The following THSD7B variants were observed in gnomAD, a reference collection of about 807,000 sequenced individuals.
THSD7B encodes the protein thrombospondin type-1 domain-containing protein 7B.
In THSD7B, 138 loss-of-function variants were observed where a neutral mutation model predicts 213.6. The ratio of observed to expected loss-of-function variants is 0.65; its 90% CI spans 0.56 to 0.74. The LOEUF (loss-of-function observed/expected upper bound fraction) is 0.74. THSD7B is among the 30% of genes least tolerant of loss of function. The pLI, the probability that THSD7B is intolerant of heterozygous loss-of-function variation, is 0.00. For synonymous variants in THSD7B, 742 were observed against 687.0 expected (o/e 1.08, Z -1.25); for missense variants, 1,931 against 1,991.5 (o/e 0.97, Z 0.58).
At chr2:137,402,849 A>G (rs1558785189) in intron 12 of THSD7B, among the ~76,000 whole-genome samples, 3 of 151,612 alleles carry the variant, frequency 2.0e-5, no homozygotes, top group Admixed American at 1.3e-4. Context: ...TGAATTTCAC[A>G]TAGCAATGCT....
At chr2:136,894,488 T>G (rs1683918470) in intron 2 of THSD7B, among the ~76,000 whole-genome samples, 1 of 152,164 alleles carries the variant, frequency 6.6e-6, no homozygotes, top group Admixed American at 6.5e-5. Context: ...CTCTACCTTC[T>G]CATCCAAAAA....
chr2:137,435,897 T>A (rs549549739), intron 14 of THSD7B, among the ~76,000 whole-genome samples: 1 of 152,268 alleles, frequency 6.6e-6, no homozygotes, highest in Middle Eastern at 3.4e-3. Flanking sequence ...AGCCTAACTT[T>A]CCAGTTCCTT....
chr2:137,462,070 A>T (rs1174300869), intron 15 of THSD7B, among the ~76,000 whole-genome samples: 1 of 152,128 alleles, frequency 6.6e-6, no homozygotes, highest in Non-Finnish European at 1.5e-5. Flanking sequence ...ATTCAATGTT[A>T]AAAGAAAAAT....
chr2:136,815,814 G>A (rs1304689165), intron 1 of THSD7B, among the ~76,000 whole-genome samples: 2 of 152,146 alleles, frequency 1.3e-5, no homozygotes, highest in African/African-American at 4.8e-5. Context: ...GTGATGAGAT[G>A]AGGCCCAGCT....
chr2:137,068,834 A>T (rs577016463), intron 3 of THSD7B, among the ~76,000 whole-genome samples: 2 of 152,022 alleles, frequency 1.3e-5, no homozygotes, highest in African/African-American at 4.8e-5. Context: ...GTTGGTTATT[A>T]TGTCATTTGG....
intron 12 of THSD7B, among the ~76,000 whole-genome samples, chr2:137,358,563 T>C (rs1685184995): frequency 6.6e-6 from 1 of 152,216 alleles, no homozygotes; most frequent in South Asian, 2.1e-4. Flanking sequence ...TTATGAAGGA[T>C]AGCATCAAAG....
At chr2:137,666,140 A>T (rs530956334) in intron 26 of THSD7B, among the ~76,000 whole-genome samples, 41 of 152,196 alleles carry the variant, frequency 2.7e-4, no homozygotes, top group South Asian at 1.2e-3. Flanking sequence ...TAATGCTTTT[A>T]TTAAGTAACA....
chr2:137,213,479 C>CA (rs1316601403), intron 7 of THSD7B, among the ~76,000 whole-genome samples: 1 of 147,474 alleles, frequency 6.8e-6, no homozygotes, highest in African/African-American at 2.5e-5. Flanking sequence ...TATATTAGGT[C>CA]ATATGTTATA....
intron 3 of THSD7B, among the ~76,000 whole-genome samples, chr2:137,094,550 T>C (rs1165118682): frequency 2.0e-5 from 3 of 150,002 alleles, no homozygotes; most frequent in Non-Finnish European, 3.0e-5. Flanking sequence ...AGAGCAAGAC[T>C]CCATCTCTAA....
At chr2:137,633,649 G>A (rs960360850) in intron 20 of THSD7B, among the ~76,000 whole-genome samples, 1 of 152,076 alleles carries the variant, frequency 6.6e-6, no homozygotes, top group African/African-American at 2.4e-5. Context: ...TGTTAAAGGG[G>A]AATATTAATA....
intron 2 of THSD7B, among the ~76,000 whole-genome samples, chr2:136,888,276 A>G (rs1180359697): frequency 6.6e-6 from 1 of 152,098 alleles, no homozygotes; most frequent in Non-Finnish European, 1.5e-5. Flanking sequence ...TCTAAGAACT[A>G]AGTATATAAA....
At chr2:136,990,656 GGACATTTACTGTAATGGCA>G (rs1240188687) in intron 2 of THSD7B, among the ~76,000 whole-genome samples, 1 of 152,120 alleles carries the variant, frequency 6.6e-6, no homozygotes, top group Non-Finnish European at 1.5e-5. Context: ...TTATTTCATA[GGACATTTACTGTAATGGCA>G]GACAAGTTCA....
At chr2:137,386,253 C>A (rs1260206650) in intron 12 of THSD7B, among the ~76,000 whole-genome samples, 1 of 152,204 alleles carries the variant, frequency 6.6e-6, no homozygotes, top group East Asian at 1.9e-4. Context: ...TGTGCTCTTG[C>A]AGCCCCCTGA....
rs192803276 is a variant in THSD7B, at chr2:136,852,634, G to T, written c.-35-29510G>T. Among the ~76,000 whole-genome samples the T allele has an allele frequency of 1.4e-4, 22 of 152,202 alleles. 1 individual carries two copies. Among genetic ancestry groups the T allele is most frequent in the Admixed American group, 1.3e-3 (20 of 15,288 alleles). On this transcript the variant is annotated intron_variant, in intron 1 of 27. Coordinates refer to ENST00000409968, the MANE Select transcript of THSD7B (RefSeq NM_001316349.2). ...GTAGCAATATAAAACTAATACAATT[G>T]CTGTGGTTTTGATTTTGTTCTTTTA...
chr2:137,508,276 T>C (rs1679880704), intron 15 of THSD7B, among the ~76,000 whole-genome samples: 1 of 152,196 alleles, frequency 6.6e-6, no homozygotes, highest in Admixed American at 6.5e-5. Context: ...AACAGGGCTC[T>C]GTTGCCCAGG....
At chr2:137,182,908 T>C (rs1680481335) in intron 7 of THSD7B, among the ~76,000 whole-genome samples, 2 of 152,190 alleles carry the variant, frequency 1.3e-5, no homozygotes, top group South Asian at 4.1e-4. Context: ...ATAAATTTGA[T>C]ATAGATGCTG....
intron 1 of THSD7B, among the ~76,000 whole-genome samples, chr2:136,830,521 T>C (rs1451184596): frequency 3.3e-5 from 5 of 152,220 alleles, no homozygotes; most frequent in Non-Finnish European, 7.3e-5. Flanking sequence ...GTGTTCTAAG[T>C]TTCATTAACC....
intron 2 of THSD7B, among the ~76,000 whole-genome samples, chr2:137,015,035 A>G (rs1686311303): frequency 6.6e-6 from 1 of 151,672 alleles, no homozygotes; most frequent in Admixed American, 6.6e-5. Context: ...CCTTAAATTC[A>G]TTTTTGTCTC....
intron 2 of THSD7B, among the ~76,000 whole-genome samples, chr2:136,958,355 A>C (rs1032763516): frequency 6.6e-6 from 1 of 152,222 alleles, no homozygotes; most frequent in Admixed American, 6.5e-5. Context: ...GTTTTAGTTG[A>C]TCGCAAGCAA....
Sources: allele counts gnomAD v4.1 joint callset (sites outside exome capture counted in the v4.1 genomes callset), GRCh38; gene constraint gnomAD v4.1.1; transcripts MANE v1.5; gene names NCBI Gene and HGNC (gene_info 2026-07-23, HGNC 2026-07-21).